The following CNTN5 variants were observed in gnomAD, a reference collection of about 807,000 sequenced individuals.
CNTN5 encodes the protein contactin 5, also known as contactin-5.
In CNTN5, 77 loss-of-function variants were observed where a neutral mutation model predicts 129.1. That is an observed-to-expected ratio of 0.60 (90% confidence interval 0.50 to 0.72). The LOEUF (loss-of-function observed/expected upper bound fraction) is 0.72. CNTN5 is among the 30% of genes least tolerant of loss of function. CNTN5 has a pLI of 0.00. For missense variants in CNTN5, 1,478 were observed against 1,328.8 expected (o/e 1.11, Z -1.75); for synonymous variants, 509 against 465.6 (o/e 1.09, Z -1.20).
chr11:99,521,081 C>T (rs926895175), intron 2 of CNTN5, among the ~76,000 whole-genome samples: 1 of 152,144 alleles, frequency 6.6e-6, no homozygotes, highest in African/African-American at 2.4e-5. Flanking sequence ...CCCAAGCCTT[C>T]CATTTTAAGT....
chr11:99,789,232 CCAGA>C (rs1437133533), intron 3 of CNTN5, among the ~76,000 whole-genome samples: 17 of 151,896 alleles, frequency 1.1e-4, no homozygotes, highest in African/African-American at 2.6e-4. Context: ...CCATTTTGTA[CCAGA>C]CAATGTACTC....
At chr11:99,193,896 A>C (rs1031894929) in intron 1 of CNTN5, among the ~76,000 whole-genome samples, 1 of 152,214 alleles carries the variant, frequency 6.6e-6, no homozygotes, top group African/African-American at 2.4e-5. Context: ...GACACAAACA[A>C]AAGCATTCAT....
intron 13 of CNTN5, among the ~76,000 whole-genome samples, chr11:100,189,257 AAGTTG>A (rs1948397339): frequency 1.4e-5 from 2 of 143,558 alleles, no homozygotes; most frequent in Non-Finnish European, 3.0e-5. Context: ...TAAAATAAAT[AAGTTG>A]AATTAAAAAA....
intron 13 of CNTN5, among the ~76,000 whole-genome samples, chr11:100,078,958 G>A (rs767913930): frequency 6.6e-6 from 1 of 152,038 alleles, no homozygotes; most frequent in Non-Finnish European, 1.5e-5. Context: ...GAGGCCTCAG[G>A]AAACGTACAA....
At chr11:99,116,486 G>T (rs192655044) in intron 1 of CNTN5, among the ~76,000 whole-genome samples, 2 of 152,004 alleles carry the variant, frequency 1.3e-5, no homozygotes, top group Non-Finnish European at 2.9e-5. Flanking sequence ...ATTTTAAGGC[G>T]TTTGGATGTT....
chr11:99,969,511 G>T (rs2136221003), intron 8 of CNTN5, among the ~76,000 whole-genome samples: 1 of 152,104 alleles, frequency 6.6e-6, no homozygotes, highest in African/African-American at 2.4e-5. Context: ...CTGCTGCTAT[G>T]CCTCTTCTTC....
intron 2 of CNTN5, among the ~76,000 whole-genome samples, chr11:99,423,795 C>T (rs1453602730): frequency 1.4e-5 from 2 of 146,754 alleles, no homozygotes; most frequent in East Asian, 4.2e-4. Flanking sequence ...CTTTGAGTGA[C>T]AAGGTTAGAT....
intron 1 of CNTN5, among the ~76,000 whole-genome samples, chr11:99,282,446 G>A (rs1238302026): frequency 6.6e-6 from 1 of 151,962 alleles, no homozygotes; most frequent in Admixed American, 6.6e-5. Flanking sequence ...TGAGCTGCTA[G>A]GTATGGATTG....
intron 3 of CNTN5, among the ~76,000 whole-genome samples, chr11:99,732,487 A>T (rs1286887307): frequency 6.8e-6 from 1 of 147,862 alleles, no homozygotes; most frequent in Admixed American, 6.7e-5. Flanking sequence ...AATAAGCCTT[A>T]AATTTAGAAC....
chr11:99,568,982 C>T (rs1238176933), intron 3 of CNTN5, among the ~76,000 whole-genome samples: 2 of 152,088 alleles, frequency 1.3e-5, no homozygotes, highest in Non-Finnish European at 2.9e-5. Flanking sequence ...TGTCAGAGCA[C>T]TTAGTTAAAT....
chr11:99,339,421 G>T (rs566122415), intron 2 of CNTN5, among the ~76,000 whole-genome samples: 1 of 152,104 alleles, frequency 6.6e-6, no homozygotes, highest in East Asian at 1.9e-4. Context: ...TTGCTCTGAG[G>T]CATAAAGAAT....
intron 4 of CNTN5, among the ~76,000 whole-genome samples, chr11:99,842,434 C>T (rs1207177886): frequency 6.6e-6 from 1 of 152,096 alleles, no homozygotes; most frequent in African/African-American, 2.4e-5. Context: ...ACTGATATTC[C>T]TACTAATACT....
At chr11:99,768,705 C>A (rs577542867) in intron 3 of CNTN5, among the ~76,000 whole-genome samples, 2 of 152,210 alleles carry the variant, frequency 1.3e-5, no homozygotes, top group South Asian at 2.1e-4. Context: ...TTTTATCATA[C>A]AGAAGGACTC....
chr11:99,356,468 A>G (rs953737593), intron 2 of CNTN5, among the ~76,000 whole-genome samples: 1 of 152,108 alleles, frequency 6.6e-6, no homozygotes, highest in African/African-American at 2.4e-5. Context: ...ATTAGTCCAC[A>G]CTCATATATT....
At position 99,831,484 on chromosome 11, in the gene CNTN5, C is replaced by T. The variant is rs142390682; in HGVS notation, c.277+11719C>T. On this transcript the variant is annotated intron_variant, in intron 4 of 24. Coordinates refer to ENST00000524871, the MANE Select transcript of CNTN5 (RefSeq NM_014361.4). ...TTTGGCCCTTTCTGTTGACCAGTGC[C>T]GGCTGTTGGCGTTGCAGTTTTTGGT... Among the ~76,000 whole-genome samples the T allele has an allele frequency of 2.7e-3, 414 of 152,266 alleles. 1 individual carries two copies. The highest frequency in any genetic ancestry group is 0.02 in the Middle Eastern group (6 of 294).
At chr11:99,073,650 T>TCA in intron 1 of CNTN5, among the ~76,000 whole-genome samples, 1 of 151,984 alleles carries the variant, frequency 6.6e-6, no homozygotes, top group Non-Finnish European at 1.5e-5. Flanking sequence ...ACACGCGGTG[T>TCA]TTGGTTTTCT....
intron 8 of CNTN5, among the ~76,000 whole-genome samples, chr11:99,991,545 A>T (rs1939099175): frequency 6.6e-6 from 1 of 152,214 alleles, no homozygotes; most frequent in African/African-American, 2.4e-5. Context: ...AACTTGAAAT[A>T]ACCAAAATAG....
intron 2 of CNTN5, among the ~76,000 whole-genome samples, chr11:99,527,423 C>T (rs1292262932): frequency 6.6e-6 from 1 of 152,064 alleles, no homozygotes; most frequent in Non-Finnish European, 1.5e-5. Context: ...GACACCAAGT[C>T]TTTAATAAAT....
At chr11:100,009,496 T>C (rs1940396958) in intron 9 of CNTN5, among the ~76,000 whole-genome samples, 1 of 151,958 alleles carries the variant, frequency 6.6e-6, no homozygotes, top group Admixed American at 6.6e-5. Flanking sequence ...AAGAAAAGAC[T>C]GGTTTAGACA....
Sources: gnomAD v4.1 joint callset for allele counts (sites outside exome capture counted in the v4.1 genomes callset) on GRCh38, gnomAD v4.1.1 for gene constraint, MANE v1.5 for transcripts, NCBI Gene and HGNC (gene_info 2026-07-23, HGNC 2026-07-21) for gene names.